The following ZNF549 variants were observed in gnomAD, a reference collection of about 807,000 sequenced individuals.
ZNF549 encodes the protein zinc finger protein 549.
ZNF549 carries 11 observed loss-of-function variants against 11.1 expected under a neutral mutation model. That is an observed-to-expected ratio of 0.99 (90% CI 0.62 to 1.64). The LOEUF (loss-of-function observed/expected upper bound fraction) is 1.64, where lower values mean the gene tolerates loss of function less well. Ranked by LOEUF, ZNF549 falls within the 40% of genes most tolerant of loss-of-function variation. The probability of loss-of-function intolerance (pLI) is 0.00; values close to 1 mark genes in which losing one functional copy is unlikely to be tolerated. For missense variants in ZNF549, 748 were observed against 765.1 expected, an observed-to-expected ratio of 0.98 and a Z score of 0.26; for synonymous variants, 266 against 269.1, an observed-to-expected ratio of 0.99 and a Z score of 0.11.
At chr19:57,531,202 CT>C in intron 2 of ZNF549, 94 bp downstream of exon 2, 1 of 1,386,282 alleles carries the variant, frequency 7.2e-7, no homozygotes, top group Non-Finnish European at 1.0e-6. Flanking sequence ...TCCTGGGACT[CT>C]TTTTCCTTCA....
chr19:57,537,313 T>A lies in ZNF549; in HGVS notation c.309T>A (p.Ala103=). 1 of 1,614,216 alleles carries A rather than the reference T, an allele frequency of 6.2e-7. No homozygotes were observed. Among genetic ancestry groups the A allele is most frequent in the East Asian group, 2.2e-5 (1 of 44,874 alleles). ...TPKLGPSIPN[A]HSCEMCILVM... Reference sequence around the variant, plus strand: ...AGCTAGGTCCTTCCATCCCAAATGCTCATTCTTGTGAGATGTGTATCCTGG... The same window carrying A: ...AGCTAGGTCCTTCCATCCCAAATGCACATTCTTGTGAGATGTGTATCCTGG... The change falls in exon 4 of 4, where the codon GCT becomes GCA. Residue 103 remains alanine, a synonymous_variant. Coordinates refer to ENST00000376233, the MANE Select transcript of ZNF549 (RefSeq NM_001199295.2).
Position 57,538,114 on chromosome 19 carries a change from T to A in ZNF549, c.1110T>A (p.Phe370Leu). The A allele has an allele frequency of 6.2e-7, 1 of 1,614,122 alleles. No homozygotes were observed. The highest frequency in any genetic ancestry group is 8.5e-7 in the Non-Finnish European group (1 of 1,180,020). The change falls in exon 4 of 4, where the codon TTT (phenylalanine) becomes TTA (leucine). Residue 370 changes from phenylalanine to leucine, a missense_variant. Coordinates refer to ENST00000376233, the MANE Select transcript of ZNF549 (RefSeq NM_001199295.2). The part of the protein sequence containing the change: ...PYVCMECGKS[F>L]IHSYDRIRHQ... Reference sequence around the variant, plus strand: ...TGTGTATGGAATGTGGGAAATCTTTTATTCATTCCTATGACCGCATTCGAC... The same window carrying A: ...TGTGTATGGAATGTGGGAAATCTTTAATTCATTCCTATGACCGCATTCGAC...
At position 57,540,398 on chromosome 19, in the gene ZNF549, T is replaced by C. The variant is rs1360338210; in HGVS notation, c.*1471T>C. ...CTTCTATCTTTTTAAGAACTGTCTG[T>C]ATGGTTTATTGCCCAGTTAATGGGT... On this transcript the variant is annotated 3_prime_UTR_variant, in exon 4 of 4. Coordinates refer to ENST00000376233, the MANE Select transcript of ZNF549 (RefSeq NM_001199295.2). The C allele has an allele frequency of 6.6e-6, 1 of 152,266 alleles. No homozygotes were observed. Among genetic ancestry groups the C allele is most frequent in the Non-Finnish European group, 1.5e-5 (1 of 68,050 alleles). 9.4% of individuals were successfully genotyped at this position (152,266 alleles called of 1,614,324 possible). A position where few individuals can be genotyped will look rare whatever the true frequency, so the allele number is the denominator to read the frequency against.
Position 57,538,828 on chromosome 19 carries a change from C to T in ZNF549, c.1824C>T (p.Thr608=), listed in dbSNP as rs374972816. The T allele has an allele frequency of 1.2e-4, 194 of 1,613,922 alleles. No individual in the cohort carries two copies. Among genetic ancestry groups the T allele is most frequent in the African/African-American group, 8.8e-4 (66 of 74,982 alleles). ...TTGTTGAGCATCAGCGAATCCACAC[C>T]GGAGAAAAGCCGTATGAATGTGGTA... ...NKLVEHQRIH[T]GEKPYECGKC... is the part of the protein sequence containing the mutation. Residue 608 remains threonine (T), a synonymous_variant, in exon 4 of 4, where the codon ACC becomes ACT. Coordinates refer to ENST00000376233, the MANE Select transcript of ZNF549 (RefSeq NM_001199295.2).
At position 57,535,856 on chromosome 19, in the gene ZNF549, G is replaced by T. The variant is rs181228115; in HGVS notation, c.199+586G>T. Among the ~76,000 whole-genome samples, 143 of 152,266 alleles carry T rather than the reference G, an allele frequency of 9.4e-4. 3 individuals carry two copies. The East Asian group carries it at 0.026, about 28-fold the overall frequency. On this transcript the variant is annotated intron_variant, in intron 3 of 3. Transcript: ENST00000376233. The stretch of plus-strand genomic sequence containing the variant: ...TAAGCTGGGGACAGGGGAGAGGCCT[G>T]TGTTCCTGAAAGCGTAGTGAAGTCT...
intron 2 of ZNF549, among the ~76,000 whole-genome samples, chr19:57,532,887 G>C (rs2089909797): frequency 6.6e-6 from 1 of 152,140 alleles, no homozygotes; most frequent in African/African-American, 2.4e-5. Context: ...GTCAGTTTTT[G>C]CCTCATATAG....
In ZNF549 at chr19:57,538,033, C is replaced by G; in HGVS notation, c.1029C>G (p.His343Gln). 2 of 1,614,044 alleles carry G rather than the reference C, an allele frequency of 1.2e-6. No individual in the cohort carries two copies. Among genetic ancestry groups the G allele is most frequent in the Non-Finnish European group, 1.7e-6 (2 of 1,179,994 alleles). Reference protein sequence around the residue: ...VCNVCGKSFRHKQTFVGHQQR... With the variant: ...VCNVCGKSFRQKQTFVGHQQR... ...ATGTATGTGGGAAATCATTCCGCCA[C>G]AAACAAACATTTGTTGGCCATCAGC... Residue 343 changes from histidine to glutamine, a missense_variant, in exon 4 of 4, where the codon CAC (histidine) becomes CAG (glutamine). His to Gln is a conservative substitution (Grantham distance 24). Transcript: ENST00000376233.
At chr19:57,535,959 A>G (rs2089922837) in intron 3 of ZNF549, among the ~76,000 whole-genome samples, 1 of 151,858 alleles carries the variant, frequency 6.6e-6, no homozygotes, top group African/African-American at 2.4e-5. Flanking sequence ...TGAGGGCTGA[A>G]CTCAAATCAT....
intron 2 of ZNF549, among the ~76,000 whole-genome samples, chr19:57,533,499 C>T (rs2089912206): frequency 6.6e-6 from 1 of 152,104 alleles, no homozygotes; most frequent in African/African-American, 2.4e-5. Flanking sequence ...ATTCATTTTC[C>T]CCTCTCTGCT....
At chr19:57,533,600 C>A (rs1453680026) in intron 2 of ZNF549, among the ~76,000 whole-genome samples, 4 of 152,134 alleles carry the variant, frequency 2.6e-5, no homozygotes, top group Admixed American at 6.5e-5. Flanking sequence ...TGTGGGGGCC[C>A]CCTATCAGAG....
chr19:57,529,305 C>G (rs58312513), intron 1 of ZNF549, among the ~76,000 whole-genome samples: 2,313 of 152,202 alleles, frequency 0.015, 55 homozygotes, highest in African/African-American at 0.054. Context: ...TAGTACCCAA[C>G]CTATATATAC....
At chr19:57,535,116 C>T (rs763925181) in intron 2 of ZNF549, 28 bp from the exon 3 acceptor site, 9 of 1,609,478 alleles carry the variant, frequency 5.6e-6, no homozygotes, top group East Asian at 4.5e-5. Flanking sequence ...TGAGTCTGCT[C>T]ATGATTTCAT....
chr19:57,533,206 G>A (rs918555876), intron 2 of ZNF549, among the ~76,000 whole-genome samples: 7 of 152,160 alleles, frequency 4.6e-5, no homozygotes, highest in Admixed American at 3.3e-4. Flanking sequence ...GTGTGTCAGC[G>A]GGCAGGGGAA....
In ZNF549 at chr19:57,537,638, A is replaced by G. The variant is rs1299477909; in HGVS notation, c.634A>G (p.Arg212Gly). ...CCACAGCAGACAAGAGTATGCACAT[A>G]GAAGCAGGGAGACCTTTCAACAAAG... Reference protein sequence around the residue: ...TTHSRQEYAHRSRETFQQRRY... With the variant: ...TTHSRQEYAHGSRETFQQRRY... The change falls in exon 4 of 4, where the codon AGA becomes GGA. Residue 212 changes from arginine (R) to glycine (G), a missense_variant. Transcript: ENST00000376233. 6.2e-7 allele frequency: 1 copy of G among 1,614,226 alleles called. No homozygotes were observed. Among genetic ancestry groups the G allele is most frequent in the South Asian group, 1.1e-5 (1 of 91,088 alleles).
intron 2 of ZNF549, among the ~76,000 whole-genome samples, chr19:57,532,184 C>T (rs2089907051): frequency 6.6e-6 from 1 of 152,160 alleles, no homozygotes; most frequent in Admixed American, 6.6e-5. Flanking sequence ...GATTGCAGAG[C>T]AGACCTTGTA....
chr19:57,537,908 A>G lies in ZNF549; in HGVS notation c.904A>G (p.Arg302Gly), dbSNP rs540290512. The G allele has an allele frequency of 5.0e-6, 8 of 1,613,750 alleles. No homozygotes were observed. The African/African-American group carries it at 9.3e-5, about 19-fold the overall frequency. Reference sequence around the variant, plus strand: ...CCAGCAGAGAATTCACACTAGAGAAAGGTCTTATGTGTGCATCGAATGTGG... The same window carrying G: ...CCAGCAGAGAATTCACACTAGAGAAGGGTCTTATGTGTGCATCGAATGTGG... ...GHQQRIHTRE[R>G]SYVCIECGKS... Residue 302 changes from arginine to glycine, a missense_variant, in exon 4 of 4, where the codon AGG becomes GGG. By Grantham distance (125) the Arg-to-Gly change is moderately radical. Coordinates refer to ENST00000376233, the MANE Select transcript of ZNF549 (RefSeq NM_001199295.2).
At chr19:57,533,645 C>T (rs1233703406) in intron 2 of ZNF549, among the ~76,000 whole-genome samples, 2 of 152,194 alleles carry the variant, frequency 1.3e-5, no homozygotes, top group Non-Finnish European at 2.9e-5. Flanking sequence ...GAATTGTCCA[C>T]ACAGACCTTC....
At chr19:57,535,383 G>A in intron 3 of ZNF549, 113 bp downstream of exon 3, 1 of 1,437,470 alleles carries the variant, frequency 7.0e-7, no homozygotes. Context: ...TCTTTCCTTG[G>A]TTCTTGACCT....
chr19:57,537,156 C>T (rs1475823945), intron 3 of ZNF549, 48 bp from the exon 4 acceptor site: 1 of 1,562,794 alleles, frequency 6.4e-7, no homozygotes. Flanking sequence ...GAGCTGTTCC[C>T]TTCTACCAAA....
Sources: allele counts gnomAD v4.1 joint callset (sites outside exome capture counted in the v4.1 genomes callset), GRCh38; gene constraint gnomAD v4.1.1; transcripts MANE v1.5; gene names NCBI Gene and HGNC (gene_info 2026-07-23, HGNC 2026-07-21).